The following DLGAP2 variants were observed in gnomAD, a reference collection of about 807,000 sequenced individuals.
DLGAP2 encodes disks large-associated protein 2.
DLGAP2 carries 26 observed loss-of-function variants against 100.3 expected under a neutral mutation model. The ratio of observed to expected loss-of-function variants is 0.26; its 90% CI spans 0.19 to 0.36. The LOEUF (loss-of-function observed/expected upper bound fraction) is 0.36. Ranked by LOEUF, DLGAP2 falls within the 10% of genes least tolerant of loss-of-function variation. The pLI is 1.00. For missense variants in DLGAP2, 1,858 were observed against 1,453.2 expected, an observed-to-expected ratio of 1.28 and a Z score of -4.53; for synonymous variants, 886 against 630.1, an observed-to-expected ratio of 1.41 and a Z score of -6.08.
chr8:1,560,597 G>C (rs1279267573), intron 5 of DLGAP2, among the ~76,000 whole-genome samples: 1 of 152,162 alleles, frequency 6.6e-6, no homozygotes, highest in Non-Finnish European at 1.5e-5. Flanking sequence ...TGACCAGTCC[G>C]AAGGCCTCCA....
chr8:1,252,088 G>T (rs62489191), intron 2 of DLGAP2, among the ~76,000 whole-genome samples: 15,325 of 146,512 alleles, frequency 0.1, 926 homozygotes, highest in South Asian at 0.15. Context: ...GGTGTGTTGT[G>T]TTGTCCTGGG....
intron 12 of DLGAP2, among the ~76,000 whole-genome samples, chr8:1,685,566 C>G (rs1040087706): frequency 1.3e-5 from 2 of 152,082 alleles, no homozygotes; most frequent in African/African-American, 4.8e-5. Flanking sequence ...TACAACCCAA[C>G]TAAATGGTCA....
At chr8:1,020,397 A>G (rs145143593) in intron 2 of DLGAP2, among the ~76,000 whole-genome samples, 1 of 152,194 alleles carries the variant, frequency 6.6e-6, no homozygotes, top group Admixed American at 6.5e-5. Context: ...TCTCTAATCC[A>G]AGCCCTCTGT....
intron 1 of DLGAP2, among the ~76,000 whole-genome samples, chr8:879,302 G>A (rs1243104921): frequency 1.3e-5 from 2 of 152,214 alleles, no homozygotes; most frequent in East Asian, 1.9e-4. Flanking sequence ...ATTCCCCGGA[G>A]AAGAAATTTG....
At chr8:1,660,004 T>C (rs188662395) in intron 8 of DLGAP2, among the ~76,000 whole-genome samples, 2 of 152,314 alleles carry the variant, frequency 1.3e-5, no homozygotes, top group Non-Finnish European at 2.9e-5. Context: ...CCATGTTTAG[T>C]GGTTCATTCG....
At chr8:1,264,962 A>G (rs548194383) in intron 3 of DLGAP2, among the ~76,000 whole-genome samples, 1 of 152,328 alleles carries the variant, frequency 6.6e-6, no homozygotes, top group Admixed American at 6.5e-5. Context: ...GCCTGCTGCC[A>G]TGTAAGACAT....
At chr8:1,054,259 C>T (rs1000557749) in intron 2 of DLGAP2, among the ~76,000 whole-genome samples, 7 of 152,088 alleles carry the variant, frequency 4.6e-5, no homozygotes, top group South Asian at 4.2e-4. Context: ...CGTACACACA[C>T]GCACACACAC....
At chr8:738,040 G>C (rs1355504882) in intron 1 of DLGAP2, 11 of 300,074 alleles carry the variant, frequency 3.7e-5, no homozygotes, top group Non-Finnish European at 6.7e-5. Flanking sequence ...TCCTCGCCGG[G>C]CTCCGCGCAT....
At chr8:1,416,353 G>T (rs1269774741) in intron 3 of DLGAP2, among the ~76,000 whole-genome samples, 2 of 152,172 alleles carry the variant, frequency 1.3e-5, no homozygotes, top group South Asian at 4.1e-4. Flanking sequence ...TATTTCAGAC[G>T]TGCCTGGTCA....
chr8:1,026,625 A>G (rs921115552), intron 2 of DLGAP2, among the ~76,000 whole-genome samples: 1 of 152,220 alleles, frequency 6.6e-6, no homozygotes, highest in African/African-American at 2.4e-5. Context: ...AAAATTCACA[A>G]TAATAGATGA....
chr8:822,141 C>T (rs1585900211), intron 1 of DLGAP2: 6 of 399,540 alleles, frequency 1.5e-5, no homozygotes, highest in East Asian at 7.1e-5. Context: ...GCTTCCCTCG[C>T]GGCTGCTAAC....
intron 12 of DLGAP2, among the ~76,000 whole-genome samples, chr8:1,682,143 T>TCACCTCATTCTGGTCCTC (rs1270236548): frequency 6.6e-6 from 1 of 152,206 alleles, no homozygotes; most frequent in Non-Finnish European, 1.5e-5. Context: ...CCCTGACCCT[T>TCACCTCATTCTGGTCCTC]CACCTCATTC....
At chr8:893,644 C>A (rs910594042) in intron 1 of DLGAP2, among the ~76,000 whole-genome samples, 1 of 152,318 alleles carries the variant, frequency 6.6e-6, no homozygotes, top group African/African-American at 2.4e-5. Context: ...GAGGGAAGTC[C>A]GTTAGGCATG....
At chr8:1,287,157 T>TGTGTGTGTGTGCGC (rs1315463950) in intron 3 of DLGAP2, among the ~76,000 whole-genome samples, 12 of 99,438 alleles carry the variant, frequency 1.2e-4, no homozygotes, top group African/African-American at 3.9e-4. Context: ...TGTGTGTGTG[T>TGTGTGTGTGTGCGC]GCGCGCGCGC....
chr8:1,005,326 G>C (rs1051956770), intron 2 of DLGAP2, among the ~76,000 whole-genome samples: 1 of 152,200 alleles, frequency 6.6e-6, no homozygotes, highest in South Asian at 2.1e-4. Flanking sequence ...TCATAGAAAA[G>C]GGAGCCGCGT....
At chr8:1,494,324 G>T (rs1799482934) in intron 3 of DLGAP2, among the ~76,000 whole-genome samples, 1 of 152,226 alleles carries the variant, frequency 6.6e-6, no homozygotes, top group Admixed American at 6.5e-5. Flanking sequence ...ACTTCCCCCT[G>T]AGAAGACGCA....
intron 1 of DLGAP2, among the ~76,000 whole-genome samples, chr8:816,275 G>GT (rs60526250): frequency 0.35 from 50,179 of 144,782 alleles, 9,483 homozygotes; most frequent in East Asian, 0.71. Flanking sequence ...AATACCTTGG[G>GT]TTTTTTTTTT....
chr8:1,533,503 C>G (rs1387761776), intron 4 of DLGAP2, among the ~76,000 whole-genome samples: 1 of 149,488 alleles, frequency 6.7e-6, no homozygotes, highest in Non-Finnish European at 1.5e-5. Flanking sequence ...GAGACTCTGT[C>G]TCCAAAAAAA....
At chr8:1,358,144 G>T (rs1159129747) in intron 3 of DLGAP2, among the ~76,000 whole-genome samples, 2 of 152,148 alleles carry the variant, frequency 1.3e-5, no homozygotes, top group African/African-American at 4.8e-5. Flanking sequence ...AGAAAATCCA[G>T]GTGCATCCTT....
Sources: gnomAD v4.1 joint callset for allele counts (sites outside exome capture counted in the v4.1 genomes callset) on GRCh38, gnomAD v4.1.1 for gene constraint, MANE v1.5 for transcripts, NCBI Gene and HGNC (gene_info 2026-07-23, HGNC 2026-07-21) for gene names.